Variants in SMYD3 observed in about 807,000 individuals in gnomAD.
SMYD3 encodes the protein SET and MYND domain containing 3, also known as histone-lysine N-methyltransferase SMYD3.
In SMYD3, 36 loss-of-function variants were observed where a neutral mutation model predicts 57.7. The observed-to-expected ratio is 0.62, with a 90% confidence interval of 0.48 to 0.82. The LOEUF (loss-of-function observed/expected upper bound fraction) is 0.82. Among genes scored for constraint, SMYD3 ranks in the 40% least tolerant of loss-of-function variants. The pLI, the probability that SMYD3 is intolerant of heterozygous loss-of-function variation, is 0.00. For synonymous variants in SMYD3, 211 were observed against 195.0 expected (o/e 1.08, Z -0.68); for missense variants, 515 against 538.8 (o/e 0.96, Z 0.44).
chr1:246,112,961 C>T (rs2061273155), intron 5 of SMYD3, among the ~76,000 whole-genome samples: 1 of 152,060 alleles, frequency 6.6e-6, no homozygotes, highest in Non-Finnish European at 1.5e-5. Context: ...GCAGGCGGAT[C>T]ATGAGGCCAG....
intron 11 of SMYD3, among the ~76,000 whole-genome samples, chr1:245,759,556 A>T (rs1008276315): frequency 6.6e-6 from 1 of 152,232 alleles, no homozygotes; most frequent in Admixed American, 6.5e-5. Flanking sequence ...GGATTAAGAC[A>T]TGGGAACAAC....
intron 5 of SMYD3, among the ~76,000 whole-genome samples, chr1:246,094,138 G>A (rs918132247): frequency 4.0e-5 from 6 of 151,808 alleles, no homozygotes; most frequent in African/African-American, 7.3e-5. Context: ...AGCTGCCTGC[G>A]GGAGACCACC....
At chr1:246,335,229 A>G (rs2065522704) in intron 3 of SMYD3, 138 bp downstream of exon 3, 4 of 733,968 alleles carry the variant, frequency 5.4e-6, no homozygotes, top group Non-Finnish European at 4.4e-6. Context: ...AATTTGTGAG[A>G]CTCATTTTAT....
intron 5 of SMYD3, among the ~76,000 whole-genome samples, chr1:246,188,452 T>C (rs908666145): frequency 6.6e-6 from 1 of 152,192 alleles, no homozygotes; most frequent in Non-Finnish European, 1.5e-5. Flanking sequence ...ATTTTCACTT[T>C]AACCATTTTA....
intron 5 of SMYD3, among the ~76,000 whole-genome samples, chr1:246,206,484 TG>T (rs2063001951): frequency 6.6e-6 from 1 of 152,004 alleles, no homozygotes; most frequent in South Asian, 2.1e-4. Context: ...AATGTTCTAG[TG>T]GTACCAAAAG....
At chr1:245,822,656 C>G (rs949915345) in intron 10 of SMYD3, among the ~76,000 whole-genome samples, 1 of 152,040 alleles carries the variant, frequency 6.6e-6, no homozygotes, top group Non-Finnish European at 1.5e-5. Context: ...ATCCTTTGCA[C>G]GATGCTAACT....
At chr1:245,833,073 A>AAAAAAAACACAAC in intron 10 of SMYD3, among the ~76,000 whole-genome samples, 13 of 128,666 alleles carry the variant, frequency 1.0e-4, no homozygotes, top group African/African-American at 2.1e-4. Context: ...AAAAAAAAAA[A>AAAAAAAACACAAC]AACCTGCTTT....
At chr1:245,813,005 CTTTTTTTTTTTTTT>C (rs770448717) in intron 10 of SMYD3, among the ~76,000 whole-genome samples, 3 of 75,624 alleles carry the variant, frequency 4.0e-5, no homozygotes, top group South Asian at 1.1e-3. Context: ...GAGACAGCTT[CTTTTTTTTTTTTTT>C]TTTTTTTTTT....
At chr1:245,867,158 G>T (rs978725844) in intron 8 of SMYD3, among the ~76,000 whole-genome samples, 13 of 152,140 alleles carry the variant, frequency 8.5e-5, no homozygotes, top group Admixed American at 2.0e-4. Context: ...TAATTACAAG[G>T]GTCCTTAGAA....
intron 10 of SMYD3, among the ~76,000 whole-genome samples, chr1:245,814,815 C>A (rs956496352): frequency 6.6e-6 from 1 of 151,764 alleles, no homozygotes. Context: ...CATGCACACA[C>A]ACACACGCAC....
intron 9 of SMYD3, among the ~76,000 whole-genome samples, chr1:245,861,724 G>A (rs1223034136): frequency 6.6e-6 from 1 of 152,146 alleles, no homozygotes; most frequent in Non-Finnish European, 1.5e-5. Flanking sequence ...GCAGCTCACT[G>A]GTCACCTCCT....
intron 8 of SMYD3, among the ~76,000 whole-genome samples, chr1:245,877,696 T>C (rs1043079475): frequency 6.6e-6 from 1 of 152,112 alleles, no homozygotes; most frequent in African/African-American, 2.4e-5. Flanking sequence ...CTGGCTTCAG[T>C]GGCTGAGTGC....
chr1:246,196,149 G>C (rs181912466), intron 5 of SMYD3, among the ~76,000 whole-genome samples: 56 of 152,040 alleles, frequency 3.7e-4, no homozygotes, highest in Non-Finnish European at 6.5e-4. Flanking sequence ...CAGTTCTTTA[G>C]GCCTGGGCAG....
intron 8 of SMYD3, among the ~76,000 whole-genome samples, chr1:245,887,480 C>T (rs937855188): frequency 3.3e-5 from 5 of 152,150 alleles, no homozygotes; most frequent in Non-Finnish European, 7.4e-5. Flanking sequence ...TTTTTGGACT[C>T]GCCCTGAATT....
At chr1:246,006,358 G>A (rs893268934) in intron 5 of SMYD3, among the ~76,000 whole-genome samples, 10 of 152,132 alleles carry the variant, frequency 6.6e-5, no homozygotes, top group African/African-American at 2.4e-4. Context: ...CACGGGTGGT[G>A]AGGAACAGTC....
intron 10 of SMYD3, among the ~76,000 whole-genome samples, chr1:245,818,491 G>A (rs1016543706): frequency 1.3e-5 from 2 of 151,940 alleles, no homozygotes; most frequent in Non-Finnish European, 2.9e-5. Context: ...ATCAACTAAC[G>A]AGCAAAATAA....
chr1:245,845,285 G>T (rs34932320), intron 10 of SMYD3, among the ~76,000 whole-genome samples: 97,162 of 152,084 alleles, frequency 0.64, 33,579 homozygotes, highest in Middle Eastern at 0.81. Context: ...CTATTTAAAA[G>T]GTATAAATTA....
intron 5 of SMYD3, among the ~76,000 whole-genome samples, chr1:246,097,383 G>A (rs1438286280): frequency 6.6e-6 from 1 of 152,164 alleles, no homozygotes; most frequent in Non-Finnish European, 1.5e-5. Context: ...GCAGCAGGAT[G>A]CCGAGATGGT....
chr1:246,189,772 G>A (rs888413926), intron 5 of SMYD3, among the ~76,000 whole-genome samples: 2 of 152,170 alleles, frequency 1.3e-5, no homozygotes, highest in African/African-American at 4.8e-5. Flanking sequence ...GTGGTTTTAA[G>A]ACATATTGAA....
Sources: gnomAD v4.1 joint callset for allele counts (sites outside exome capture counted in the v4.1 genomes callset) on GRCh38, gnomAD v4.1.1 for gene constraint, MANE v1.5 for transcripts, NCBI Gene and HGNC (gene_info 2026-07-23, HGNC 2026-07-21) for gene names.